The following C12orf50 variants were observed in gnomAD, a reference collection of about 807,000 sequenced individuals.
The protein encoded by C12orf50 is zinc finger CCCH-type containing 11D, also known as uncharacterized protein C12orf50.
A neutral mutation model predicts 61.6 loss-of-function variants in C12orf50; 35 were observed. That is an observed-to-expected ratio of 0.57 (90% CI 0.43 to 0.75). The LOEUF (loss-of-function observed/expected upper bound fraction) is 0.75. C12orf50 is among the 30% of genes least tolerant of loss of function. C12orf50 has a pLI of 0.00. For synonymous variants in C12orf50, 178 were observed against 161.5 expected (o/e 1.10, Z -0.77); for missense variants, 475 against 488.5 (o/e 0.97, Z 0.26).
intron 9 of C12orf50, among the ~76,000 whole-genome samples, chr12:87,986,837 A>T (rs2030850267): frequency 6.6e-6 from 1 of 152,146 alleles, no homozygotes; most frequent in South Asian, 2.1e-4. Context: ...TTAATGTAAA[A>T]TACTTTCAGT....
intron 3 of C12orf50, among the ~76,000 whole-genome samples, chr12:88,022,898 A>G (rs1228822634): frequency 2.0e-5 from 3 of 152,238 alleles, no homozygotes; most frequent in Non-Finnish European, 2.9e-5. Flanking sequence ...CATGGATAGG[A>G]AGAATCAACA....
At chr12:88,010,713 T>C (rs1479218985) in intron 3 of C12orf50, among the ~76,000 whole-genome samples, 1 of 151,858 alleles carries the variant, frequency 6.6e-6, no homozygotes. Context: ...TTAATGTGTT[T>C]AAATACATAT....
intron 1 of C12orf50, among the ~76,000 whole-genome samples, chr12:88,027,526 G>C (rs1249377315): frequency 1.3e-5 from 2 of 152,020 alleles, no homozygotes; most frequent in Non-Finnish European, 2.9e-5. Flanking sequence ...TCAGTCTATG[G>C]AGATACTGTT....
chr12:88,018,516 T>A (rs1460146072), intron 3 of C12orf50, among the ~76,000 whole-genome samples: 1 of 152,218 alleles, frequency 6.6e-6, no homozygotes, highest in Non-Finnish European at 1.5e-5. Flanking sequence ...ACAAAGTCCC[T>A]ACTGGAGCAC....
intron 7 of C12orf50, among the ~76,000 whole-genome samples, chr12:87,992,361 C>A (rs753422367): frequency 6.6e-6 from 1 of 151,828 alleles, no homozygotes; most frequent in South Asian, 2.1e-4. Flanking sequence ...CCAGGAATAA[C>A]AAGAATCAAT....
chr12:88,027,071 C>T lies in C12orf50; in HGVS notation c.-108-1G>A. ...AGTGTCGGAATCGGCACTGGGAACC[C>T]TAAAAGAAAAAGTAAACAGTGTAGA... On this transcript the variant is annotated splice_acceptor_variant, in intron 1 of 12. Coordinates refer to ENST00000298699, the MANE Select transcript of C12orf50 (RefSeq NM_152589.3). LOFTEE classifies it low-confidence loss of function (5UTR_SPLICE). 1 of 1,602,116 alleles carries T rather than the reference C, an allele frequency of 6.2e-7. No individual in the cohort carries two copies. The highest frequency in any genetic ancestry group is 8.5e-7 in the Non-Finnish European group (1 of 1,176,446).
chr12:88,010,008 A>C (rs2032036699), intron 3 of C12orf50, among the ~76,000 whole-genome samples: 1 of 152,012 alleles, frequency 6.6e-6, no homozygotes, highest in South Asian at 2.1e-4. Flanking sequence ...AGAGAAGTCC[A>C]TTTTTCCCTC....
At chr12:88,023,295 G>A (rs537582092) in intron 3 of C12orf50, among the ~76,000 whole-genome samples, 1 of 152,040 alleles carries the variant, frequency 6.6e-6, no homozygotes, top group Non-Finnish European at 1.5e-5. Flanking sequence ...TGGAATAACT[G>A]GCTTGCCATA....
intron 3 of C12orf50, among the ~76,000 whole-genome samples, chr12:88,020,172 TCAAATCCACACATATCAATGTAAC>T (rs1490642670): frequency 6.6e-6 from 1 of 152,078 alleles, no homozygotes; most frequent in East Asian, 1.9e-4. Context: ...GATGACAGGA[TCAAATCCACACATATCAATGTAAC>T]CTTGAATGTA....
chr12:88,024,458 A>G (rs1289136861), intron 3 of C12orf50, among the ~76,000 whole-genome samples: 1 of 152,214 alleles, frequency 6.6e-6, no homozygotes, highest in African/African-American at 2.4e-5. Context: ...TAAAACAAGA[A>G]TGACATCATG....
chr12:88,024,654 A>G (rs1005846044), intron 3 of C12orf50, among the ~76,000 whole-genome samples: 2 of 152,180 alleles, frequency 1.3e-5, no homozygotes, highest in African/African-American at 2.4e-5. Flanking sequence ...ATCAGAAAAA[A>G]TATCTATCAG....
intron 3 of C12orf50, among the ~76,000 whole-genome samples, chr12:88,026,105 G>A (rs1445864072): frequency 2.0e-5 from 3 of 152,038 alleles, no homozygotes; most frequent in South Asian, 2.1e-4. Flanking sequence ...CTCCACCTAC[G>A]AGATAGCTTT....
intron 3 of C12orf50, among the ~76,000 whole-genome samples, chr12:88,005,547 T>C (rs925487462): frequency 2.6e-5 from 4 of 152,256 alleles, no homozygotes; most frequent in African/African-American, 9.6e-5. Context: ...CCCAAGTAAA[T>C]TGACTCCTTT....
At position 87,986,333 on chromosome 12, in the gene C12orf50, G is replaced by A. The variant is rs781299868; in HGVS notation, c.901C>T (p.Pro301Ser). 1.2e-6 allele frequency: 2 copies of A among 1,606,194 alleles called. No individual in the cohort carries two copies. Among genetic ancestry groups the A allele is most frequent in the Admixed American group, 1.7e-5 (1 of 59,016 alleles). ...KWIYDEPQNF[P>S]NSGMQRAVQA... ...TTACCTCTCTGCATTCCAGAGTTAG[G>A]AAAGTTCTGTGGTTCATCATAAATC... Residue 301 changes from proline to serine, a missense_variant, in exon 10 of 13, where the codon CCT becomes TCT. By Grantham distance (74) the Pro-to-Ser change is moderately conservative. Transcript: ENST00000298699.
At chr12:87,988,914 T>G (rs762808564) in intron 8 of C12orf50, among the ~76,000 whole-genome samples, 6 of 152,132 alleles carry the variant, frequency 3.9e-5, no homozygotes, top group Non-Finnish European at 8.8e-5. Flanking sequence ...AAAGTCTTTT[T>G]GAGATTAAAC....
At chr12:88,027,178 T>C (rs973815312) in intron 1 of C12orf50, 108 bp from the exon 2 acceptor site, 4 of 1,172,648 alleles carry the variant, frequency 3.4e-6, no homozygotes, top group Admixed American at 3.2e-5. Context: ...TACACTAGAA[T>C]CACAAAGATA....
intron 9 of C12orf50, among the ~76,000 whole-genome samples, chr12:87,987,611 T>C (rs1397988329): frequency 6.6e-6 from 1 of 152,198 alleles, no homozygotes; most frequent in Non-Finnish European, 1.5e-5. Context: ...AAAGGTAGTG[T>C]ATTATTCATT....
intron 3 of C12orf50, among the ~76,000 whole-genome samples, chr12:88,022,636 T>C (rs1004724388): frequency 1.3e-5 from 2 of 152,228 alleles, no homozygotes; most frequent in East Asian, 3.8e-4. Context: ...TGCTTTGATC[T>C]GATAAACAAT....
chr12:88,015,999 C>T (rs1387459300), intron 3 of C12orf50, among the ~76,000 whole-genome samples: 1 of 152,068 alleles, frequency 6.6e-6, no homozygotes, highest in Non-Finnish European at 1.5e-5. Context: ...AATGGCAAAT[C>T]ATCTAATAGG....
Sources: gnomAD v4.1 joint callset for allele counts (sites outside exome capture counted in the v4.1 genomes callset) on GRCh38, gnomAD v4.1.1 for gene constraint, MANE v1.5 for transcripts, NCBI Gene and HGNC (gene_info 2026-07-23, HGNC 2026-07-21) for gene names.